The following GREM2 variants were observed in gnomAD, a reference collection of about 807,000 sequenced individuals.
GREM2 encodes gremlin-2.
A neutral mutation model predicts 14.2 loss-of-function variants in GREM2; 11 were observed. That is an observed-to-expected ratio of 0.78 (90% CI 0.49 to 1.28). GREM2 has a LOEUF of 1.28. Ranked by LOEUF, GREM2 falls within the 50% of genes most tolerant of loss-of-function variation. GREM2 has a pLI of 0.00. For missense variants in GREM2, 210 were observed against 218.5 expected (o/e 0.96, Z 0.24); for synonymous variants, 98 against 97.6 (o/e 1.00, Z -0.02).
chr1:240,601,234 T>C (rs1482161461), intron 1 of GREM2, among the ~76,000 whole-genome samples: 1 of 152,230 alleles, frequency 6.6e-6, no homozygotes, highest in Admixed American at 6.5e-5. Context: ...GACAGCGCTA[T>C]ACAACTTCAG....
At chr1:240,529,278 T>C (rs1678298457) in intron 1 of GREM2, among the ~76,000 whole-genome samples, 1 of 151,934 alleles carries the variant, frequency 6.6e-6, no homozygotes, top group Non-Finnish European at 1.5e-5. Context: ...GATTATGTTT[T>C]TTTTTTCTTA....
intron 1 of GREM2, among the ~76,000 whole-genome samples, chr1:240,546,873 TA>T (rs61138306): frequency 1.3e-5 from 2 of 149,438 alleles, no homozygotes; most frequent in East Asian, 2.0e-4. Flanking sequence ...TATCACTTAG[TA>T]AAAAAAAAAG....
At chr1:240,594,728 GTA>G (rs928017758) in intron 1 of GREM2, among the ~76,000 whole-genome samples, 4 of 151,406 alleles carry the variant, frequency 2.6e-5, no homozygotes, top group Admixed American at 2.0e-4. Context: ...TTATATATAT[GTA>G]TATATATATT....
chr1:240,577,837 T>C (rs986313624), intron 1 of GREM2, among the ~76,000 whole-genome samples: 2 of 152,212 alleles, frequency 1.3e-5, no homozygotes, highest in South Asian at 4.1e-4. Flanking sequence ...TGAAAATAAA[T>C]CAGGCTCAGA....
chr1:240,493,116 G>T lies in GREM2; in HGVS notation c.360C>A (p.Cys120Ter). 6.2e-7 allele frequency: 1 copy of T among 1,614,204 alleles called. No homozygotes were observed. The highest frequency in any genetic ancestry group is 8.5e-7 in the Non-Finnish European group (1 of 1,180,024). The change falls in exon 2 of 2, where the codon TGC becomes TGA. Residue 120 changes from cysteine to a stop codon, truncating the protein, a stop_gained. Coordinates refer to ENST00000318160, the MANE Select transcript of GREM2 (RefSeq NM_022469.4). LOFTEE classifies it high-confidence loss of function. ...VKKEEESFQS[C>*]AFCKPQRVTS... ...TGACGCGCTGGGGCTTGCAGAAGGC[G>T]CAGGACTGGAAGGACTCCTCCTCCT...
intron 1 of GREM2, among the ~76,000 whole-genome samples, chr1:240,498,581 C>T (rs866213112): frequency 7.9e-5 from 12 of 152,150 alleles, no homozygotes; most frequent in Admixed American, 2.0e-4. Context: ...AGAGAACGTC[C>T]GTTCTCTTGC....
rs189673795 is a variant in GREM2, at chr1:240,598,990, C to A, written c.-2+12894G>T. 1.4e-3 allele frequency among the ~76,000 whole-genome samples: 220 copies of A among 152,108 alleles called. 3 individuals carry two copies. Among genetic ancestry groups the A allele is most frequent in the South Asian group, 1.9e-3 (9 of 4,814 alleles). The stretch of plus-strand genomic sequence containing the variant: ...ATTCATTCAATAAAGAGTAAGTGGT[C>A]GGGTGTGGTGGCTCATGCCTGTAAT... On this transcript the variant is annotated intron_variant, in intron 1 of 1. Coordinates refer to ENST00000318160, the MANE Select transcript of GREM2 (RefSeq NM_022469.4).
chr1:240,596,604 G>A (rs1679822604), intron 1 of GREM2, among the ~76,000 whole-genome samples: 1 of 152,048 alleles, frequency 6.6e-6, no homozygotes, highest in South Asian at 2.1e-4. Context: ...GGCTGAGGCA[G>A]GAGAATTGCT....
chr1:240,598,491 T>C (rs541676102), intron 1 of GREM2, among the ~76,000 whole-genome samples: 1 of 152,350 alleles, frequency 6.6e-6, no homozygotes, highest in East Asian at 1.9e-4. Flanking sequence ...TTTTTACAAC[T>C]GAGGATTATT....
intron 1 of GREM2, among the ~76,000 whole-genome samples, chr1:240,545,236 A>G (rs1389363572): frequency 6.6e-6 from 1 of 152,186 alleles, no homozygotes; most frequent in Non-Finnish European, 1.5e-5. Flanking sequence ...TTAATCAATC[A>G]TGCTTCTGTA....
chr1:240,533,409 A>G (rs1336283737), intron 1 of GREM2, among the ~76,000 whole-genome samples: 1 of 152,204 alleles, frequency 6.6e-6, no homozygotes, highest in East Asian at 1.9e-4. Context: ...AAATACTTGG[A>G]GCTGAATCTG....
intron 1 of GREM2, among the ~76,000 whole-genome samples, chr1:240,501,092 CTGAT>C (rs1677560952): frequency 6.6e-6 from 1 of 152,152 alleles, no homozygotes; most frequent in Admixed American, 6.5e-5. Flanking sequence ...TTGCATCTCT[CTGAT>C]TGTACAGCAA....
At chr1:240,599,773 C>G (rs1304857934) in intron 1 of GREM2, among the ~76,000 whole-genome samples, 1 of 152,184 alleles carries the variant, frequency 6.6e-6, no homozygotes, top group East Asian at 1.9e-4. Flanking sequence ...GCTGCTTTAT[C>G]CATCACACCA....
rs1199844136 is a variant in GREM2, at chr1:240,492,147, A to G, written c.*822T>C. The stretch of plus-strand genomic sequence containing the variant: ...ACTTTTTAACAGCTCTTTACAATAT[A>G]CGGTCACTTATAAAACCAGCGTTAA... On this transcript the variant is annotated 3_prime_UTR_variant, in exon 2 of 2. Transcript: ENST00000318160. 7.4e-6 allele frequency: 3 copies of G among 405,224 alleles called. No homozygotes were observed. Among genetic ancestry groups the G allele is most frequent in the African/African-American group, 6.1e-5 (3 of 48,788 alleles). The allele number at this position is 405,224 out of a possible 1,614,324, so 25.1% of individuals were successfully genotyped here. A position where few individuals can be genotyped will look rare whatever the true frequency, so the allele number is the denominator to read the frequency against.
chr1:240,561,710 A>ACACACACG (rs1679041535), intron 1 of GREM2, among the ~76,000 whole-genome samples: 1 of 151,858 alleles, frequency 6.6e-6, no homozygotes, highest in African/African-American at 2.4e-5. Context: ...ACACACACAC[A>ACACACACG]CACACACACA....
intron 1 of GREM2, among the ~76,000 whole-genome samples, chr1:240,603,082 CA>C (rs535337439): frequency 1.0e-4 from 15 of 150,112 alleles, no homozygotes; most frequent in South Asian, 4.2e-4. Flanking sequence ...AGACTCGTCT[CA>C]AAAAAAAATA....
chr1:240,545,563 T>C (rs1289021800), intron 1 of GREM2, among the ~76,000 whole-genome samples: 1 of 152,154 alleles, frequency 6.6e-6, no homozygotes, highest in African/African-American at 2.4e-5. Flanking sequence ...TAAGACAACA[T>C]AGGACTTAAT....
chr1:240,583,431 C>T (rs1679529549), intron 1 of GREM2, among the ~76,000 whole-genome samples: 1 of 152,110 alleles, frequency 6.6e-6, no homozygotes, highest in Non-Finnish European at 1.5e-5. Flanking sequence ...TGGAATAGCA[C>T]CAAATGTACA....
Position 240,489,882 on chromosome 1 carries a change from A to T in GREM2, c.*3087T>A, listed in dbSNP as rs1230960407. On this transcript the variant is annotated 3_prime_UTR_variant, in exon 2 of 2. Coordinates refer to ENST00000318160, the MANE Select transcript of GREM2 (RefSeq NM_022469.4). ...AGTGAAATATTCTGTCCCATTTAATAAACTAAGATGAATTATTTCCTAGGA... is the reference window on the plus strand; with the variant it reads ...AGTGAAATATTCTGTCCCATTTAATTAACTAAGATGAATTATTTCCTAGGA... 1.3e-5 allele frequency: 2 copies of T among 152,232 alleles called. No individual in the cohort carries two copies. The highest frequency in any genetic ancestry group is 2.9e-5 in the Non-Finnish European group (2 of 68,040). 9.4% of individuals were successfully genotyped at this position (152,232 alleles called of 1,614,324 possible). A position where few individuals can be genotyped will look rare whatever the true frequency, so the allele number is the denominator to read the frequency against.
Sources: gnomAD v4.1 joint callset for allele counts (sites outside exome capture counted in the v4.1 genomes callset) on GRCh38, gnomAD v4.1.1 for gene constraint, MANE v1.5 for transcripts, NCBI Gene and HGNC (gene_info 2026-07-23, HGNC 2026-07-21) for gene names.